The following PEX5L variants were observed in gnomAD, a reference collection of about 807,000 sequenced individuals.
PEX5L encodes the protein PEX5-related protein.
In PEX5L, 30 loss-of-function variants were observed where a neutral mutation model predicts 84.0. The ratio of observed to expected loss-of-function variants is 0.36; its 90% CI spans 0.27 to 0.48. PEX5L has a LOEUF of 0.48. Ranked by LOEUF, PEX5L falls within the 20% of genes least tolerant of loss-of-function variation. The pLI is 0.99. For missense variants in PEX5L, 533 were observed against 754.6 expected (o/e 0.71, Z 3.44); for synonymous variants, 270 against 283.1 (o/e 0.95, Z 0.46).
intron 7 of PEX5L, among the ~76,000 whole-genome samples, chr3:179,868,169 C>T (rs140462220): frequency 1.5e-3 from 230 of 151,274 alleles, no homozygotes; most frequent in African/African-American, 5.3e-3. Flanking sequence ...CATGAGTCAC[C>T]GCACCCAGCC....
intron 2 of PEX5L, among the ~76,000 whole-genome samples, chr3:179,900,044 G>T (rs1471227324): frequency 6.6e-6 from 1 of 152,112 alleles, no homozygotes; most frequent in Admixed American, 6.5e-5. Context: ...TCTGGGAAAA[G>T]ATTTATTATG....
chr3:179,955,482 T>TC (rs60033366), intron 2 of PEX5L, among the ~76,000 whole-genome samples: 10,471 of 142,380 alleles, frequency 0.074, 1,322 homozygotes, highest in African/African-American at 0.26. Flanking sequence ...TATGCTCTTT[T>TC]TTTTTTTTTT....
intron 7 of PEX5L, among the ~76,000 whole-genome samples, chr3:179,860,894 C>T (rs1745865341): frequency 6.6e-6 from 1 of 152,194 alleles, no homozygotes; most frequent in African/African-American, 2.4e-5. Flanking sequence ...CACTGTTCTA[C>T]ACTGCTTCTC....
At chr3:179,992,800 G>GGAATTCATAAGACTTTATGAAGAA (rs2110379569) in intron 1 of PEX5L, among the ~76,000 whole-genome samples, 1 of 152,080 alleles carries the variant, frequency 6.6e-6, no homozygotes, top group South Asian at 2.1e-4. Flanking sequence ...GACTTCAGAG[G>GGAATTCATAAGACTTTATGAAGAA]GAATTCATAA....
chr3:179,811,215 G>A (rs1201178988), intron 11 of PEX5L, among the ~76,000 whole-genome samples: 3 of 50,356 alleles, frequency 6.0e-5, no homozygotes, highest in Non-Finnish European at 1.2e-4. Context: ...CATATGGAAT[G>A]TATGTGTGTG....
At chr3:179,846,336 G>C (rs951772801) in intron 8 of PEX5L, among the ~76,000 whole-genome samples, 1 of 152,126 alleles carries the variant, frequency 6.6e-6, no homozygotes, top group African/African-American at 2.4e-5. Flanking sequence ...CCATTTCTTT[G>C]TGTTGAGAAC....
At chr3:179,896,320 G>A (rs1230389854) in intron 3 of PEX5L, 5 of 151,912 alleles carry the variant, frequency 3.3e-5, no homozygotes, top group African/African-American at 1.2e-4. Context: ...TTCATAAACC[G>A]GCCAGTATGC....
intron 8 of PEX5L, among the ~76,000 whole-genome samples, chr3:179,856,993 C>A (rs865931100): frequency 6.6e-6 from 1 of 152,174 alleles, no homozygotes; most frequent in Non-Finnish European, 1.5e-5. Flanking sequence ...CTAAGTAATG[C>A]TGGATCATTT....
intron 1 of PEX5L, among the ~76,000 whole-genome samples, chr3:180,006,671 C>T (rs1280187578): frequency 6.6e-6 from 1 of 152,168 alleles, no homozygotes; most frequent in Non-Finnish European, 1.5e-5. Flanking sequence ...GGGGAGGCCT[C>T]AAAATCATGG....
chr3:179,924,342 G>T (rs183461598), intron 2 of PEX5L, among the ~76,000 whole-genome samples: 2 of 152,134 alleles, frequency 1.3e-5, no homozygotes, highest in African/African-American at 2.4e-5. Context: ...CTTGGGACGG[G>T]GTTCAAAGCA....
chr3:179,837,347 A>G (rs1735344661), intron 8 of PEX5L, among the ~76,000 whole-genome samples: 1 of 152,172 alleles, frequency 6.6e-6, no homozygotes, highest in East Asian at 1.9e-4. Flanking sequence ...CCTACTGTGA[A>G]CAGCTTTTCC....
intron 4 of PEX5L, 43 bp from the exon 5 acceptor site, chr3:179,880,166 C>A: frequency 8.1e-7 from 1 of 1,237,160 alleles, no homozygotes; most frequent in Non-Finnish European, 1.1e-6. Context: ...ATTTACTACT[C>A]TGAAATTATT....
At chr3:179,899,686 A>G (rs1213229932) in intron 2 of PEX5L, among the ~76,000 whole-genome samples, 1 of 152,140 alleles carries the variant, frequency 6.6e-6, no homozygotes, top group Non-Finnish European at 1.5e-5. Flanking sequence ...AACTTTTTGT[A>G]TAGCTAATAG....
rs17857101 is a variant in PEX5L at position 179,874,407 on chromosome 3, A to G, written c.646T>C (p.Ser216Pro). 6.2e-7 allele frequency: 1 copy of G among 1,609,096 alleles called. No homozygotes were observed. Among genetic ancestry groups the G allele is most frequent in the Non-Finnish European group, 8.5e-7 (1 of 1,175,950 alleles). ...KELLWSSEHR[S>P]QPELSGGKSA... is the part of the protein sequence containing the mutation. ...TTTCCACCACTCAGTTCTGGTTGAGATCTGTGTTCTGAGGACCTATAAGGG... is the reference window on the plus strand; with the variant it reads ...TTTCCACCACTCAGTTCTGGTTGAGGTCTGTGTTCTGAGGACCTATAAGGG... Residue 216 changes from serine (S) to proline (P), a missense_variant, in exon 7 of 15, where the codon TCT (serine) becomes CCT (proline). This residue lies in a region of PEX5L where 259 missense variants were observed against 301.7 expected (regional missense o/e 0.86). Coordinates refer to ENST00000467460, the MANE Select transcript of PEX5L (RefSeq NM_016559.3).
At chr3:179,803,053 AAG>A (rs1719707321) in intron 14 of PEX5L, among the ~76,000 whole-genome samples, 1 of 152,186 alleles carries the variant, frequency 6.6e-6, no homozygotes, top group South Asian at 2.1e-4. Context: ...TTTTATGATA[AAG>A]CTAATATGTT....
intron 1 of PEX5L, among the ~76,000 whole-genome samples, chr3:180,018,390 A>C (rs1790122356): frequency 6.6e-6 from 1 of 152,210 alleles, no homozygotes; most frequent in South Asian, 2.1e-4. Context: ...ACAGAATGCA[A>C]CATAGTCTTG....
chr3:180,029,432 A>T (rs1002528454), intron 1 of PEX5L, among the ~76,000 whole-genome samples: 6 of 152,220 alleles, frequency 3.9e-5, no homozygotes, highest in Admixed American at 3.9e-4. Flanking sequence ...TGTAAATAAA[A>T]CAAATAAATG....
intron 8 of PEX5L, among the ~76,000 whole-genome samples, chr3:179,853,764 CTCTTCT>C (rs755770618): frequency 5.3e-5 from 8 of 151,230 alleles, no homozygotes; most frequent in East Asian, 2.0e-4. Flanking sequence ...CTTCTTCCTC[CTCTTCT>C]TCTTCTTCTT....
intron 2 of PEX5L, among the ~76,000 whole-genome samples, chr3:179,952,636 T>G (rs2109982763): frequency 1.3e-5 from 2 of 152,282 alleles, no homozygotes; most frequent in South Asian, 4.1e-4. Flanking sequence ...TCCATGCTCA[T>G]GGATAGGAAA....
Sources: gnomAD v4.1 joint callset for allele counts (sites outside exome capture counted in the v4.1 genomes callset) on GRCh38, gnomAD v4.1.1 for gene constraint, gnomAD v4.1.1 regional missense constraint, MANE v1.5 for transcripts, NCBI Gene and HGNC (gene_info 2026-07-23, HGNC 2026-07-21) for gene names.